The following GPR161 variants were observed in gnomAD, a reference collection of about 807,000 sequenced individuals.
GPR161 encodes G-protein coupled receptor RE2.
A neutral mutation model predicts 39.2 loss-of-function variants in GPR161; 25 were observed. That is an observed-to-expected ratio of 0.64 (90% confidence interval 0.47 to 0.89). The LOEUF is 0.89. Ranked by LOEUF, GPR161 falls within the 40% of genes least tolerant of loss-of-function variation. GPR161 has a pLI of 0.00. For missense variants in GPR161, 547 were observed against 677.8 expected (o/e 0.81, Z 2.14); for synonymous variants, 286 against 276.6 (o/e 1.03, Z -0.34).
chr1:168,089,611 G>A (rs77554766), intron 4 of GPR161: 1,586 of 152,456 alleles, frequency 0.01, 25 homozygotes, highest in African/African-American at 0.035. Context: ...CCAGGCATGC[G>A]GCTTTGTGCA....
At position 168,098,053 on chromosome 1, in the gene GPR161, G is replaced by T. The variant is rs116380787; in HGVS notation, c.375-821C>A. On this transcript the variant is annotated intron_variant, in intron 2 of 5. Transcript: ENST00000682931. The surrounding 1 kb of genome is among the most constrained non-coding windows in gnomAD (Gnocchi z 4.1). ...GCCAGGAGGGCTATCCATTCAAACTGGCAGGCTTCTGGTCCAGCACAGAGG... is the reference window on the plus strand; with the variant it reads ...GCCAGGAGGGCTATCCATTCAAACTTGCAGGCTTCTGGTCCAGCACAGAGG... Among the ~76,000 whole-genome samples the T allele has an allele frequency of 8.5e-3, 1,290 of 152,298 alleles. 18 individuals carry two copies. Among genetic ancestry groups the T allele is most frequent in the African/African-American group, 0.03 (1,241 of 41,560 alleles).
At chr1:168,124,787 T>C (rs1383014654) in intron 1 of GPR161, among the ~76,000 whole-genome samples, 1 of 152,188 alleles carries the variant, frequency 6.6e-6, no homozygotes, top group Non-Finnish European at 1.5e-5. Context: ...GCCATCCCCA[T>C]AGTAATAAGT....
In GPR161 at chr1:168,115,778, AT is replaced by A. The variant is rs534629775; in HGVS notation, c.-44-10885del. ...TCTCCAGAATTCTGCTCCAGAGAAA[AT>A]TTTTTTTTTTTTTTGAGACGGAGTC... On this transcript the variant is annotated intron_variant, in intron 1 of 5. Transcript: ENST00000682931. Among the ~76,000 whole-genome samples the A allele has an allele frequency of 8.0e-3, 1,151 of 143,566 alleles. 7 individuals carry two copies. Among genetic ancestry groups the A allele is most frequent in the African/African-American group, 0.021 (844 of 39,388 alleles). 94.2% of individuals were successfully genotyped at this position (143,566 alleles called of 152,430 possible).
Position 168,096,638 on chromosome 1 carries a change from G to C in GPR161, c.969C>G (p.Ile323Met), listed in dbSNP as rs926595176. The change falls in exon 3 of 6, where the codon ATC becomes ATG. Residue 323 changes from isoleucine to methionine, a missense_variant. Coordinates refer to ENST00000682931, the MANE Select transcript of GPR161 (RefSeq NM_001375883.1). The part of the protein sequence containing the change: ...SFASAVCHPL[I>M]YGLWNKTVRK... ...GAACTGTCTTGTTCCAGAGTCCATA[G>C]ATCAGGGGGTGGCAGACAGCGCTGG... The C allele has an allele frequency of 2.5e-6, 4 of 1,614,228 alleles. No homozygotes were observed. Among genetic ancestry groups the C allele is most frequent in the Non-Finnish European group, 2.5e-6 (3 of 1,180,046 alleles).
At chr1:168,107,850 G>C (rs1342702373) in intron 1 of GPR161, among the ~76,000 whole-genome samples, 2 of 152,196 alleles carry the variant, frequency 1.3e-5, no homozygotes, top group Admixed American at 6.5e-5. Context: ...CTGCAGGCAA[G>C]GCATTGGGGA....
chr1:168,105,516 G>GT (rs1341357720), intron 1 of GPR161, among the ~76,000 whole-genome samples: 4 of 152,206 alleles, frequency 2.6e-5, no homozygotes, highest in African/African-American at 9.7e-5. Flanking sequence ...CAATTTGACT[G>GT]TAAGATTCTC....
chr1:168,136,643 C>T, intron 1 of GPR161, 96 bp downstream of exon 1: 3 of 1,213,418 alleles, frequency 2.5e-6, no homozygotes, highest in Non-Finnish European at 3.1e-6. Flanking sequence ...GGCCCGCGCC[C>T]TGAGCCCTCA....
In GPR161 at chr1:168,098,609, T is replaced by A. The variant is rs1695786122; in HGVS notation, c.375-1377A>T. Among the ~76,000 whole-genome samples, 1 of 152,204 alleles carries A rather than the reference T, an allele frequency of 6.6e-6. No homozygotes were observed. Among genetic ancestry groups the A allele is most frequent in the South Asian group, 2.1e-4 (1 of 4,832 alleles). ...GGGCCCCAGCAGCTGAACTGCCACA[T>A]GCTAACTGGAGGTGCTGCCTCCTTG... On this transcript the variant is annotated intron_variant, in intron 2 of 5. Transcript: ENST00000682931. This position sits in a 1 kb window ranked among gnomAD's most constrained non-coding sequence, Gnocchi z 4.1.
At chr1:168,100,706 TG>T (rs1164810376) in intron 2 of GPR161, among the ~76,000 whole-genome samples, 2 of 152,222 alleles carry the variant, frequency 1.3e-5, no homozygotes, top group Non-Finnish European at 2.9e-5. Flanking sequence ...TTAACTTCCA[TG>T]GAACAGTCTC....
rs557644479 is a variant in GPR161 at position 168,085,174 on chromosome 1, G to T, written c.*357C>A. On this transcript the variant is annotated 3_prime_UTR_variant, in exon 6 of 6. Coordinates refer to ENST00000682931, the MANE Select transcript of GPR161 (RefSeq NM_001375883.1). The stretch of plus-strand genomic sequence containing the variant: ...CACACTGTGAAGAGGAGGAAATGAT[G>T]CATGTGGGGGTCTCCTTCCAAGCCC... 1 of 439,512 alleles carries T rather than the reference G, an allele frequency of 2.3e-6. No homozygotes were observed. The highest frequency in any genetic ancestry group is 1.8e-5 in the South Asian group (1 of 55,246). 27.2% of individuals were successfully genotyped at this position (439,512 alleles called of 1,614,324 possible).
chr1:168,129,920 G>C (rs963822726), intron 1 of GPR161, among the ~76,000 whole-genome samples: 2 of 152,128 alleles, frequency 1.3e-5, no homozygotes, highest in African/African-American at 4.8e-5. Flanking sequence ...TTTGCTTTGG[G>C]CAAGGTCACC....
At chr1:168,132,665 C>T (rs1205692424) in intron 1 of GPR161, among the ~76,000 whole-genome samples, 1 of 151,864 alleles carries the variant, frequency 6.6e-6, no homozygotes, top group African/African-American at 2.4e-5. Flanking sequence ...TAGAACAGAG[C>T]ATATAATATG....
chr1:168,104,947 C>A, intron 1 of GPR161, 53 bp from the exon 2 acceptor site: 1 of 1,398,048 alleles, frequency 7.2e-7, no homozygotes, highest in African/African-American at 1.4e-5. Flanking sequence ...CAAATCACAT[C>A]GTCTCCACCT....
At position 168,082,758 on chromosome 1, in the gene GPR161, A is replaced by C. The variant is rs879659686; in HGVS notation, c.*2773T>G. 1.3e-5 allele frequency: 2 copies of C among 152,236 alleles called. No individual in the cohort carries two copies. Among genetic ancestry groups the C allele is most frequent in the Admixed American group, 6.5e-5 (1 of 15,290 alleles). The allele number at this position is 152,236 out of a possible 1,614,324, so 9.4% of individuals were successfully genotyped here. The stretch of plus-strand genomic sequence containing the variant: ...AGGAAGGCTGCAGGCCTGCCACTGC[A>C]TGGCAGTTTACAGCTAAAGAGCCTG... On this transcript the variant is annotated 3_prime_UTR_variant, in exon 6 of 6. Transcript: ENST00000682931.
chr1:168,080,058 G>A lies in GPR161; in HGVS notation c.*5473C>T, dbSNP rs1693957128. 1 of 152,164 alleles carries A rather than the reference G, an allele frequency of 6.6e-6. No homozygotes were observed. The highest frequency in any genetic ancestry group is 1.5e-5 in the Non-Finnish European group (1 of 68,034). The allele number at this position is 152,164 out of a possible 1,614,324, so 9.4% of individuals were successfully genotyped here. A position where few individuals can be genotyped will look rare whatever the true frequency, so the allele number is the denominator to read the frequency against. On this transcript the variant is annotated 3_prime_UTR_variant, in exon 6 of 6. Transcript: ENST00000682931. ...CTTTTGTAATCTTGTGCAGATTTGA[G>A]TTTGTGCTTTGATGTTTTCAAAGGA...
intron 1 of GPR161, among the ~76,000 whole-genome samples, chr1:168,116,220 A>G (rs937228610): frequency 6.6e-6 from 1 of 152,182 alleles, no homozygotes; most frequent in Admixed American, 6.5e-5. Context: ...CCCACTATCA[A>G]TTCTTACGAA....
At chr1:168,133,036 C>T (rs533169571) in intron 1 of GPR161, among the ~76,000 whole-genome samples, 17 of 152,296 alleles carry the variant, frequency 1.1e-4, no homozygotes, top group Admixed American at 6.5e-4. Flanking sequence ...TGAGCCACTG[C>T]GCCCAGCCCA....
chr1:168,137,541 A>G (rs1699475914), upstream of GPR161: 2 of 720,072 alleles, frequency 2.8e-6, no homozygotes, highest in Admixed American at 2.2e-5. Context: ...GCTGCCCTGC[A>G]CTCCCTCGGA....
Position 168,096,831 on chromosome 1 carries a change from A to G in GPR161, c.776T>C (p.Val259Ala). Residue 259 changes from valine to alanine, a missense_variant, in exon 3 of 6, where the codon GTG becomes GCG. Val to Ala is a moderately conservative substitution (Grantham distance 64). Coordinates refer to ENST00000682931, the MANE Select transcript of GPR161 (RefSeq NM_001375883.1). ...SGSRRNAFQG[V>A]VYSANQCKAL... ...TTTGCACTGGTTGGCCGAGTAGACCACACCCTGAAAGGCATTCCTCCTGCT... is the reference window on the plus strand; with the variant it reads ...TTTGCACTGGTTGGCCGAGTAGACCGCACCCTGAAAGGCATTCCTCCTGCT... 1.2e-6 allele frequency: 2 copies of G among 1,614,158 alleles called. No individual in the cohort carries two copies. Among genetic ancestry groups the G allele is most frequent in the South Asian group, 2.2e-5 (2 of 91,084 alleles).
Sources: allele counts gnomAD v4.1 joint callset (sites outside exome capture counted in the v4.1 genomes callset), GRCh38; gene constraint gnomAD v4.1.1; non-coding constraint Gnocchi (gnomAD v3.1); transcripts MANE v1.5; gene names NCBI Gene and HGNC (gene_info 2026-07-23, HGNC 2026-07-21).